DNMT3L: variants seen among roughly 807,000 people sequenced by gnomAD.
The protein encoded by DNMT3L is DNA (cytosine-5)-methyltransferase 3-like.
In DNMT3L, 33 loss-of-function variants were observed where a neutral mutation model predicts 36.2. That is an observed-to-expected ratio of 0.91 (90% confidence interval 0.69 to 1.22). The LOEUF (loss-of-function observed/expected upper bound fraction) is 1.22, where lower values mean the gene tolerates loss of function less well. Among genes scored for constraint, DNMT3L ranks in the 50% most tolerant of loss-of-function variants. DNMT3L has a pLI of 0.00. For missense variants in DNMT3L, 310 were observed against 303.1 expected, an observed-to-expected ratio of 1.02 and a Z score of -0.17; for synonymous variants, 117 against 121.7, an observed-to-expected ratio of 0.96 and a Z score of 0.26.
At chr21:44,260,439 G>A (rs919262668) in intron 3 of DNMT3L, among the ~76,000 whole-genome samples, 4 of 151,980 alleles carry the variant, frequency 2.6e-5, no homozygotes, top group African/African-American at 9.7e-5. Context: ...AGGGGGAGAA[G>A]GGATACACGT....
intron 1 of DNMT3L, 30 bp from the exon 2 acceptor site, chr21:44,261,296 AGAAAGCCG>A (rs754651144): frequency 1.3e-5 from 21 of 1,604,100 alleles, no homozygotes; most frequent in Non-Finnish European, 1.6e-5. Flanking sequence ...CACAGATGTG[AGAAAGCCG>A]TCAGCCCCTG....
rs1044256807 is a variant in DNMT3L at position 44,258,943 on chromosome 21, A to C, written c.345-249T>G. Among the ~76,000 whole-genome samples, 1 of 152,128 alleles carries C rather than the reference A, an allele frequency of 6.6e-6. No individual in the cohort carries two copies. The highest frequency in any genetic ancestry group is 2.1e-4 in the South Asian group (1 of 4,830). On this transcript the variant is annotated intron_variant, in intron 5 of 11. Transcript: ENST00000628202. The surrounding 1 kb of genome is among the most constrained non-coding windows in gnomAD (Gnocchi z 6.2). ...CAATGACAGATCCAAGGAACCCCCTAAGCCACCTGTCTGCCCCCAAACTCG... is the reference window on the plus strand; with the variant it reads ...CAATGACAGATCCAAGGAACCCCCTCAGCCACCTGTCTGCCCCCAAACTCG...
At chr21:44,254,205 G>A (rs906423669) in intron 8 of DNMT3L, among the ~76,000 whole-genome samples, 4 of 152,320 alleles carry the variant, frequency 2.6e-5, no homozygotes, top group Middle Eastern at 6.8e-3. Flanking sequence ...GTCAAGGCTC[G>A]GCCTCCTCAT....
intron 8 of DNMT3L, among the ~76,000 whole-genome samples, chr21:44,254,034 A>G (rs987096839): frequency 2.2e-4 from 34 of 152,232 alleles, no homozygotes; most frequent in African/African-American, 7.7e-4. Context: ...GGAGCCCCCA[A>G]AAGACCTGTA....
At position 44,256,100 on chromosome 21, in the gene DNMT3L, G is replaced by A. The variant is rs943771422; in HGVS notation, c.571C>T (p.Arg191Trp). ...ATGTCTTCAAAAAGGGACAGCACCC[G>A]GACTGGCTGTCTCCTCCACACAGGC... ...TVPVWRRQPV[R>W]VLSLFEDIKK... is the part of the protein sequence containing the mutation. Residue 191 changes from arginine to tryptophan, a missense_variant, in exon 7 of 12, where the codon CGG becomes TGG. Coordinates refer to ENST00000628202, the MANE Select transcript of DNMT3L (RefSeq NM_175867.3). 1.1e-5 allele frequency: 18 copies of A among 1,613,810 alleles called. No homozygotes were observed. The highest frequency in any genetic ancestry group is 1.7e-5 in the Admixed American group (1 of 60,000).
intron 6 of DNMT3L, among the ~76,000 whole-genome samples, chr21:44,257,079 A>T (rs1175657308): frequency 6.6e-6 from 1 of 152,160 alleles, no homozygotes; most frequent in Non-Finnish European, 1.5e-5. Flanking sequence ...CTGGCCTGCA[A>T]ATTAAAACAG....
intron 2 of DNMT3L, 132 bp downstream of exon 2, chr21:44,261,022 T>G (rs1303996929): frequency 3.0e-5 from 41 of 1,367,284 alleles, no homozygotes; most frequent in Non-Finnish European, 4.2e-5. Context: ...AGACTGTGGG[T>G]GGGGAACCTC....
chr21:44,257,430 C>T (rs1166296638), intron 6 of DNMT3L, among the ~76,000 whole-genome samples: 1 of 151,698 alleles, frequency 6.6e-6, no homozygotes, highest in Non-Finnish European at 1.5e-5. Context: ...GCCTGTAATC[C>T]CAGCACTTTG....
rs2070565 is a variant in DNMT3L at position 44,261,270 on chromosome 21, T to C, written c.-7-4A>G. 0.68 allele frequency: 1,094,060 copies of C among 1,611,192 alleles called. 375,330 individuals are homozygous for C. Among genetic ancestry groups the C allele is most frequent in the African/African-American group, 0.93 (69,934 of 74,984 alleles). ...TGGGATGGCCGCCATGGGGATGCTG[T>C]GTCAGGACACACGGACACAGATGTG... On this transcript the variant is annotated splice_region_variant and splice_polypyrimidine_tract_variant and intron_variant, in intron 1 of 11. Transcript: ENST00000628202.
intron 5 of DNMT3L, 129 bp downstream of exon 5, chr21:44,259,308 C>G: frequency 1.0e-6 from 1 of 952,470 alleles, no homozygotes; most frequent in Non-Finnish European, 1.6e-6. Context: ...GCATTGGAGA[C>G]AGAAATCAGA....
At chr21:44,254,950 C>T (rs543637683) in intron 7 of DNMT3L, among the ~76,000 whole-genome samples, 3 of 152,262 alleles carry the variant, frequency 2.0e-5, no homozygotes, top group South Asian at 2.1e-4. Flanking sequence ...CTCAACCTCC[C>T]GAGTAGCTGG....
At chr21:44,257,440 G>C (rs1252865529) in intron 6 of DNMT3L, among the ~76,000 whole-genome samples, 1 of 152,016 alleles carries the variant, frequency 6.6e-6, no homozygotes, top group Non-Finnish European at 1.5e-5. Context: ...CCAGCACTTT[G>C]GGAGGCCGAG....
chr21:44,255,655 A>C (rs996158282), intron 7 of DNMT3L, among the ~76,000 whole-genome samples: 1 of 152,276 alleles, frequency 6.6e-6, no homozygotes, highest in Non-Finnish European at 1.5e-5. Flanking sequence ...GCCCTGGAGG[A>C]GGCCCTGGCT....
At chr21:44,261,608 T>C in intron 1 of DNMT3L, 132 bp downstream of exon 1, 1 of 249,216 alleles carries the variant, frequency 4.0e-6, no homozygotes, top group South Asian at 5.4e-5. Flanking sequence ...GGGCCCAGCC[T>C]TCGACCCCTC....
chr21:44,258,505 C>T lies in DNMT3L; in HGVS notation c.516+18G>A. On this transcript the variant is annotated intron_variant, in intron 6 of 11. Coordinates refer to ENST00000628202, the MANE Select transcript of DNMT3L (RefSeq NM_175867.3). The surrounding 1 kb of genome is among the most constrained non-coding windows in gnomAD (Gnocchi z 6.2). Reference sequence around the variant, plus strand: ...GGGCCTGCTGCTGCCGGGTGCTGCCCCTCCACGGGCTCCTTACCGACTCTC... The same window carrying T: ...GGGCCTGCTGCTGCCGGGTGCTGCCTCTCCACGGGCTCCTTACCGACTCTC... 1.3e-6 allele frequency: 2 copies of T among 1,536,390 alleles called. No individual in the cohort carries two copies. The highest frequency in any genetic ancestry group is 2.0e-4 in the Middle Eastern group (1 of 5,002).
chr21:44,260,533 G>C (rs369846467), intron 3 of DNMT3L, among the ~76,000 whole-genome samples: 170 of 152,312 alleles, frequency 1.1e-3, no homozygotes, highest in African/African-American at 3.9e-3. Context: ...GCTCACTGCA[G>C]CCTCGACCTC....
intron 6 of DNMT3L, among the ~76,000 whole-genome samples, chr21:44,257,823 C>T (rs2040276619): frequency 6.6e-6 from 1 of 152,222 alleles, no homozygotes; most frequent in African/African-American, 2.4e-5. Flanking sequence ...GTGCCTCCCT[C>T]AGAAGGCGCC....
chr21:44,257,653 C>A (rs936125885), intron 6 of DNMT3L, among the ~76,000 whole-genome samples: 1 of 145,980 alleles, frequency 6.9e-6, no homozygotes, highest in African/African-American at 2.6e-5. Context: ...TGCACTCCAG[C>A]CTGGGCGACA....
chr21:44,258,643 C>T lies in DNMT3L; in HGVS notation c.396G>A (p.Gly132=), dbSNP rs768443281. 1 of 1,612,802 alleles carries T rather than the reference C, an allele frequency of 6.2e-7. No homozygotes were observed. Among genetic ancestry groups the T allele is most frequent in the African/African-American group, 1.3e-5 (1 of 74,940 alleles). Residue 132 remains glycine, a synonymous_variant, in exon 6 of 12, where the codon GGG becomes GGA. Transcript: ENST00000628202. This position sits in a 1 kb window ranked among gnomAD's most constrained non-coding sequence, Gnocchi z 6.2. ...CCCAGTTGCTCATGGCGTGCACCTTCCCCGAGGTCCCGGGGCCGACCAGGC... is the reference window on the plus strand; with the variant it reads ...CCCAGTTGCTCATGGCGTGCACCTTTCCCGAGGTCCCGGGGCCGACCAGGC... The part of the protein sequence containing the change: ...VDSLVGPGTS[G]KVHAMSNWVC...
Sources: allele counts gnomAD v4.1 joint callset (sites outside exome capture counted in the v4.1 genomes callset), GRCh38; gene constraint gnomAD v4.1.1; non-coding constraint Gnocchi (gnomAD v3.1); transcripts MANE v1.5; gene names NCBI Gene and HGNC (gene_info 2026-07-23, HGNC 2026-07-21).